The following PKLR variants were observed in gnomAD, a reference collection of about 807,000 sequenced individuals.
The protein encoded by PKLR is pyruvate kinase PKLR.
PKLR carries 38 observed loss-of-function variants against 53.6 expected under a neutral mutation model. That is an observed-to-expected ratio of 0.71 (90% CI 0.55 to 0.93). The LOEUF is 0.93. PKLR is among the 40% of genes least tolerant of loss of function. The pLI is 0.00. For synonymous variants in PKLR, 328 were observed against 316.2 expected (o/e 1.04, Z -0.39); for missense variants, 702 against 787.3 (o/e 0.89, Z 1.30).
upstream of PKLR, among the ~76,000 whole-genome samples, chr1:155,304,003 G>A (rs1308655699): frequency 5.9e-5 from 9 of 152,090 alleles, no homozygotes. Flanking sequence ...CTGCAATGAG[G>A]CTGAGTGCCT....
rs781715321 is a variant in PKLR at position 155,294,324 on chromosome 1, C to T, written c.1027G>A (p.Glu343Lys). 3 of 1,614,114 alleles carry T rather than the reference C, an allele frequency of 1.9e-6. No individual in the cohort carries two copies. Among genetic ancestry groups the T allele is most frequent in the Non-Finnish European group, 2.5e-6 (3 of 1,179,986 alleles). ...IMVARGDLGI[E>K]IPAEKVFLAQ... ...AGGAAAACCTTCTCTGCTGGGATCTCGATGCCTAGGTCCCCCCGTGCCACC... is the reference window on the plus strand; with the variant it reads ...AGGAAAACCTTCTCTGCTGGGATCTTGATGCCTAGGTCCCCCCGTGCCACC... Residue 343 changes from glutamate (E) to lysine (K), a missense_variant, in exon 7 of 11, where the codon GAG (glutamate) becomes AAG (lysine). Transcript: ENST00000342741.
intron 2 of PKLR, among the ~76,000 whole-genome samples, chr1:155,298,643 AAAACAAAC>A (rs753350182): frequency 1.4e-5 from 2 of 144,332 alleles, no homozygotes; most frequent in Non-Finnish European, 3.0e-5. Context: ...TCTTTTTTTA[AAAACAAAC>A]AAACAAACAA....
Position 155,295,046 on chromosome 1 carries a change from A to G in PKLR, c.694+70T>C. On this transcript the variant is annotated intron_variant, in intron 5 of 10. Coordinates refer to ENST00000342741, the MANE Select transcript of PKLR (RefSeq NM_000298.6). The surrounding 1 kb of genome is among the most constrained non-coding windows in gnomAD (Gnocchi z 4.3). ...GAAGGTGTGATCGGTCTGAGGGCTG[A>G]TGGGGGAGCCAAGGAGAAGGGAATG... The G allele has an allele frequency of 6.5e-7, 1 of 1,534,492 alleles. No homozygotes were observed. The highest frequency in any genetic ancestry group is 8.9e-7 in the Non-Finnish European group (1 of 1,118,596).
At chr1:155,290,858 GCA>G (rs1674501917) in intron 10 of PKLR, among the ~76,000 whole-genome samples, 180 bp from the exon 11 acceptor site, 3 of 151,714 alleles carry the variant, frequency 2.0e-5, no homozygotes, top group Non-Finnish European at 2.9e-5. Context: ...GTGTGGTGGC[GCA>G]TGCCTGTAAT....
rs1647550818 is a variant in PKLR at position 155,295,718 on chromosome 1, T to C, written c.322A>G (p.Ile108Val). ...SRSVERLKEM[I>V]KAGMNIARLN... ...CGCGCAATGTTCATCCCGGCCTTGA[T>C]CATCTCCTTGAGGCGCTCCACGGAG... Residue 108 changes from isoleucine to valine, a missense_variant, in exon 3 of 11, where the codon ATC becomes GTC. By Grantham distance (29) the Ile-to-Val change is conservative. Transcript: ENST00000342741. This position sits in a 1 kb window ranked among gnomAD's most constrained non-coding sequence, Gnocchi z 4.3. The C allele has an allele frequency of 6.2e-7, 1 of 1,613,982 alleles. No homozygotes were observed. Among genetic ancestry groups the C allele is most frequent in the African/African-American group, 1.3e-5 (1 of 74,900 alleles).
rs1352610988 is a variant in PKLR, at chr1:155,294,570, C to G, written c.877G>C (p.Asp293His). The change falls in exon 6 of 11, where the codon GAC becomes CAC. Residue 293 changes from aspartate (D) to histidine (H), a missense_variant. Asp to His is a moderately conservative substitution (Grantham distance 81, BLOSUM62 -1). This residue lies in a region of PKLR where 519 missense variants were observed against 537.1 expected (regional missense o/e 0.97). Coordinates refer to ENST00000342741, the MANE Select transcript of PKLR (RefSeq NM_000298.6). Reference protein sequence around the residue: ...VFASFVRKASDVAAVRAALGP... With the variant: ...VFASFVRKASHVAAVRAALGP... ...AGAGCAGCCCTGACGGCAGCCACGT[C>G]GCTGGCTTTCCGCACAAAGGAGGCA... 1 of 1,614,104 alleles carries G rather than the reference C, an allele frequency of 6.2e-7. No individual in the cohort carries two copies. The highest frequency in any genetic ancestry group is 1.1e-5 in the South Asian group (1 of 91,088).
At position 155,290,989 on chromosome 1, in the gene PKLR, A is replaced by AAAT. The variant is rs201306934; in HGVS notation, c.1619-314_1619-312dup. On this transcript the variant is annotated intron_variant, in intron 10 of 10. Transcript: ENST00000342741. Reference sequence around the variant, plus strand: ...GGGGACAGAGCAAGACTCCATCTCAAAATAATAATAATAATAATAATAATA... The same window carrying AAAT: ...GGGGACAGAGCAAGACTCCATCTCAAAATAATAATAATAATAATAATAATAATA... Among the ~76,000 whole-genome samples, 796 of 134,116 alleles carry AAAT rather than the reference A, an allele frequency of 5.9e-3. 6 individuals are homozygous for AAAT. Among genetic ancestry groups the AAAT allele is most frequent in the African/African-American group, 0.012 (420 of 35,944 alleles). 88.0% of individuals were successfully genotyped at this position (134,116 alleles called of 152,430 possible).
rs1168998498 is a variant in PKLR at position 155,293,883 on chromosome 1, A to G, written c.1117-293T>C. ...TGCAGTGGCTCACACCTGTAATCCC[A>G]GCACTTTGGGAGGCCGAGGCGAGTA... On this transcript the variant is annotated intron_variant, in intron 7 of 10. Transcript: ENST00000342741. This position sits in a 1 kb window ranked among gnomAD's most constrained non-coding sequence, Gnocchi z 4.2. Among the ~76,000 whole-genome samples the G allele has an allele frequency of 2.0e-5, 3 of 152,194 alleles. No homozygotes were observed. Among genetic ancestry groups the G allele is most frequent in the Non-Finnish European group, 4.4e-5 (3 of 68,034 alleles).
upstream of PKLR, among the ~76,000 whole-genome samples, chr1:155,303,532 T>C (rs929037769): frequency 6.6e-5 from 10 of 152,220 alleles, no homozygotes; most frequent in Non-Finnish European, 1.2e-4. Context: ...GAAATAAATA[T>C]GTAACTACAA....
In PKLR at chr1:155,294,203, A is replaced by G. The variant is rs201570003; in HGVS notation, c.1116+32T>C. 5.6e-6 allele frequency: 9 copies of G among 1,613,074 alleles called. No individual in the cohort carries two copies. In the African/African-American group the frequency reaches 1.1e-4, roughly 19 times the overall value. ...ACCCACAGGTGTCCCTAAAACCCACAGAGTGCCGAACCTCAAGGCCTCACT... is the reference window on the plus strand; with the variant it reads ...ACCCACAGGTGTCCCTAAAACCCACGGAGTGCCGAACCTCAAGGCCTCACT... On this transcript the variant is annotated intron_variant, in intron 7 of 10. Transcript: ENST00000342741.
upstream of PKLR, among the ~76,000 whole-genome samples, chr1:155,304,974 G>A (rs780941885): frequency 6.6e-6 from 1 of 152,184 alleles, no homozygotes; most frequent in Non-Finnish European, 1.5e-5. Flanking sequence ...GGGGCCAGGA[G>A]GCTGACGGCT....
Position 155,294,255 on chromosome 1 carries a change from G to T in PKLR, c.1096C>A (p.Pro366Thr). 6.2e-7 allele frequency: 1 copy of T among 1,614,152 alleles called. No individual in the cohort carries two copies. The highest frequency in any genetic ancestry group is 8.5e-7 in the Non-Finnish European group (1 of 1,180,034). Residue 366 changes from proline (P) to threonine (T), a missense_variant, in exon 7 of 11, where the codon CCT (proline) becomes ACT (threonine). Pro to Thr is a conservative substitution (Grantham distance 38). Coordinates refer to ENST00000342741, the MANE Select transcript of PKLR (RefSeq NM_000298.6). ...MIGRCNLAGKPVVCATQMLES... is the reference protein window; with the variant it reads ...MIGRCNLAGKTVVCATQMLES... Reference sequence around the variant, plus strand: ...CAGACCTGTGTGGCACAGACAACAGGCTTGCCCGCCAAGTTGCAGCGCCCA... The same window carrying T: ...CAGACCTGTGTGGCACAGACAACAGTCTTGCCCGCCAAGTTGCAGCGCCCA...
chr1:155,299,195 TTCTTTCTC>T (rs1301713372), intron 2 of PKLR, among the ~76,000 whole-genome samples: 1 of 149,480 alleles, frequency 6.7e-6, no homozygotes, highest in Non-Finnish European at 1.5e-5. Context: ...CCTTCTTTCT[TTCTTTCTC>T]TCTTTCTCTC....
At chr1:155,299,203 C>A (rs1359396925) in intron 2 of PKLR, among the ~76,000 whole-genome samples, 1 of 130,808 alleles carries the variant, frequency 7.6e-6, no homozygotes, top group East Asian at 2.6e-4. Context: ...CTTTCTTTCT[C>A]TCTTTCTCTC....
the PKLR span, among the ~76,000 whole-genome samples, chr1:155,306,914 G>A: frequency 3.3e-5 from 5 of 152,254 alleles, no homozygotes; most frequent in South Asian, 6.2e-4. The surrounding 1 kb of genome is among the most constrained non-coding windows in gnomAD (Gnocchi z 4.2). Flanking sequence ...CGCGGTGAGT[G>A]TTACAGCTGT....
chr1:155,296,103 G>A (rs1469433010), intron 2 of PKLR, among the ~76,000 whole-genome samples: 1 of 152,180 alleles, frequency 6.6e-6, no homozygotes, highest in African/African-American at 2.4e-5. Context: ...GGAGCCAGGT[G>A]AGGGCGTTTG....
Position 155,293,646 on chromosome 1 carries a change from T to G in PKLR, c.1117-56A>C. On this transcript the variant is annotated intron_variant, in intron 7 of 10. Transcript: ENST00000342741. This position sits in a 1 kb window ranked among gnomAD's most constrained non-coding sequence, Gnocchi z 4.2. ...GGACTCACACTGTGACTGGGGACCC[T>G]GCCCAAGCTACTTCTCTGACACCCA... is the stretch of plus-strand genomic sequence containing the variant. 1.3e-6 allele frequency: 2 copies of G among 1,570,994 alleles called. No homozygotes were observed. Among genetic ancestry groups the G allele is most frequent in the Non-Finnish European group, 1.8e-6 (2 of 1,142,478 alleles).
At chr1:155,298,017 T>C (rs536233724) in intron 2 of PKLR, among the ~76,000 whole-genome samples, 122 of 152,262 alleles carry the variant, frequency 8.0e-4, no homozygotes, top group Non-Finnish European at 1.5e-3. Flanking sequence ...TCTTTCCCCA[T>C]AGCACTTAAA....
upstream of PKLR, among the ~76,000 whole-genome samples, chr1:155,302,806 A>C (rs1282609972): frequency 1.3e-5 from 2 of 151,494 alleles, no homozygotes; most frequent in African/African-American, 2.4e-5. Flanking sequence ...CCAAGTAGCC[A>C]GTACTACAGG....
Sources: gnomAD v4.1 joint callset for allele counts (sites outside exome capture counted in the v4.1 genomes callset) on GRCh38, gnomAD v4.1.1 for gene constraint, gnomAD v4.1.1 regional missense constraint, Gnocchi (gnomAD v3.1) non-coding constraint, MANE v1.5 for transcripts, NCBI Gene and HGNC (gene_info 2026-07-23, HGNC 2026-07-21) for gene names.